Variants in ADGRB2 observed in about 807,000 individuals in gnomAD.
ADGRB2 encodes adhesion G protein-coupled receptor B2, also known as brain-specific angiogenesis inhibitor 2.
In ADGRB2, 47 loss-of-function variants were observed where a neutral mutation model predicts 178.7. That is an observed-to-expected ratio of 0.26 (90% confidence interval 0.21 to 0.34). The LOEUF is 0.34. Among genes scored for constraint, ADGRB2 ranks in the 10% least tolerant of loss-of-function variants. The pLI, the probability that ADGRB2 is intolerant of heterozygous loss-of-function variation, is 1.00. For missense variants in ADGRB2, 1,584 were observed against 2,180.8 expected (o/e 0.73, Z 5.45); for synonymous variants, 870 against 912.4 (o/e 0.95, Z 0.84).
chr1:31,740,252 T>C lies in ADGRB2; in HGVS notation c.1990-74A>G, dbSNP rs1471690987. 3 of 1,608,562 alleles carry C rather than the reference T, an allele frequency of 1.9e-6. No individual in the cohort carries two copies. The highest frequency in any genetic ancestry group is 4.5e-5 in the East Asian group (2 of 44,780). On this transcript the variant is annotated intron_variant, in intron 12 of 32. Coordinates refer to ENST00000373658, the MANE Select transcript of ADGRB2 (RefSeq NM_001364857.2). The surrounding 1 kb of genome is among the most constrained non-coding windows in gnomAD (Gnocchi z 5.9). ...GGGGCTTCCCCCACTATAGCCACAC[T>C]TGCCGCCTCTACAGCAGACTCTGCC...
rs1646878606 is a variant in ADGRB2, at chr1:31,757,111, A to C, written c.21+90T>G. On this transcript the variant is annotated intron_variant, in intron 3 of 32. Transcript: ENST00000373658. ...ATCTTGTGAGCCCTGAAGAAACAGT[A>C]GTTGTTGTTGCCATCGTTCTGTTTC... 23 of 1,594,874 alleles carry C rather than the reference A, an allele frequency of 1.4e-5. 1 individual carries two copies. The South Asian group carries it at 2.5e-4, about 18-fold the overall frequency.
chr1:31,750,160 A>G (rs1183561515), intron 4 of ADGRB2, among the ~76,000 whole-genome samples: 1 of 152,092 alleles, frequency 6.6e-6, no homozygotes, highest in African/African-American at 2.4e-5. Flanking sequence ...GCCTTCCTAG[A>G]CTGACAATAC....
At position 31,742,229 on chromosome 1, in the gene ADGRB2, G is replaced by A. The variant is rs754270808; in HGVS notation, c.1253-12C>T. On this transcript the variant is annotated splice_polypyrimidine_tract_variant and intron_variant, in intron 7 of 32. Coordinates refer to ENST00000373658, the MANE Select transcript of ADGRB2 (RefSeq NM_001364857.2). Reference sequence around the variant, plus strand: ...CCACTGGCCTTCCACTGCATGGGGAGACACAAGCAGGGGTGGCTGTTGAGC... The same window carrying A: ...CCACTGGCCTTCCACTGCATGGGGAAACACAAGCAGGGGTGGCTGTTGAGC... 6.3e-7 allele frequency: 1 copy of A among 1,585,194 alleles called. No individual in the cohort carries two copies. Among genetic ancestry groups the A allele is most frequent in the East Asian group, 2.2e-5 (1 of 44,490 alleles).
intron 1 of ADGRB2, among the ~76,000 whole-genome samples, chr1:31,762,169 A>G (rs1006780654): frequency 6.6e-6 from 1 of 152,084 alleles, no homozygotes; most frequent in African/African-American, 2.4e-5. Context: ...TGTCCTTTTG[A>G]AGAGTGATAC....
Position 31,738,862 on chromosome 1 carries a change from G to A in ADGRB2, c.2571C>T (p.Leu857=), listed in dbSNP as rs1452342141. ...TGATGTAGGAGAGCTCCACAGTGATGAGGGGCTCAGCTGGAGGCTGGGTAG... is the reference window on the plus strand; with the variant it reads ...TGATGTAGGAGAGCTCCACAGTGATAAGGGGCTCAGCTGGAGGCTGGGTAG... ...RPPTQPPAEP[L]ITVELSYIIN... is the part of the protein sequence containing the mutation. Residue 857 remains leucine (L), a synonymous_variant, in exon 16 of 33, where the codon CTC becomes CTT. Transcript: ENST00000373658. 5.6e-6 allele frequency: 9 copies of A among 1,613,922 alleles called. No homozygotes were observed. The highest frequency in any genetic ancestry group is 1.3e-5 in the African/African-American group (1 of 74,928).
intron 26 of ADGRB2, 103 bp from the exon 27 acceptor site, chr1:31,732,715 G>A: frequency 7.4e-7 from 1 of 1,356,450 alleles, no homozygotes; most frequent in South Asian, 1.2e-5. Context: ...GTAGAAGGAA[G>A]GCAACACATC....
Position 31,742,045 on chromosome 1 carries a change from G to A in ADGRB2, c.1417+8C>T, listed in dbSNP as rs1569909960. The A allele has an allele frequency of 6.2e-7, 1 of 1,601,940 alleles. No homozygotes were observed. Among genetic ancestry groups the A allele is most frequent in the Non-Finnish European group, 8.5e-7 (1 of 1,173,026 alleles). ...CTGCAACTTGCCACCACTGTGCCAA[G>A]CACTCACCCGGGCACTCGAGGTTGC... On this transcript the variant is annotated splice_region_variant and intron_variant, in intron 8 of 32. Coordinates refer to ENST00000373658, the MANE Select transcript of ADGRB2 (RefSeq NM_001364857.2).
intron 4 of ADGRB2, among the ~76,000 whole-genome samples, chr1:31,746,726 C>T (rs1201114630): frequency 6.6e-6 from 1 of 152,214 alleles, no homozygotes; most frequent in African/African-American, 2.4e-5. Flanking sequence ...ACCAACTTCC[C>T]TGCAGCCCTT....
rs1645608103 is a variant in ADGRB2, at chr1:31,736,392, TG to T, written c.3131-3del. Reference sequence around the variant, plus strand: ...CGGCCACCACCAGGGCAGGCAGACCTGGGGGAGCAGGGGTGCCAGAGTGAGA... The same window carrying T: ...CGGCCACCACCAGGGCAGGCAGACCTGGGGAGCAGGGGTGCCAGAGTGAGA... On this transcript the variant is annotated splice_region_variant and splice_polypyrimidine_tract_variant and intron_variant, in intron 21 of 32. Coordinates refer to ENST00000373658, the MANE Select transcript of ADGRB2 (RefSeq NM_001364857.2). 1.2e-6 allele frequency: 2 copies of T among 1,613,866 alleles called. No homozygotes were observed. The highest frequency in any genetic ancestry group is 2.7e-5 in the African/African-American group (2 of 74,978).
intron 1 of ADGRB2, chr1:31,760,537 G>A (rs192548867): frequency 7.1e-6 from 1 of 141,802 alleles, no homozygotes; most frequent in African/African-American, 2.6e-5. Context: ...GGTGTCTCAG[G>A]CCCAGGGCCG....
rs143508014 is a variant in ADGRB2, at chr1:31,753,498, G to A, written c.838+2501C>T. Among the ~76,000 whole-genome samples the A allele has an allele frequency of 3.3e-5, 5 of 152,282 alleles. No individual in the cohort carries two copies. The highest frequency in any genetic ancestry group is 5.9e-5 in the Non-Finnish European group (4 of 68,014). Reference sequence around the variant, plus strand: ...CTAGGCCTCACTGTGGATCTTCCTCGGGGGTGTCCCAGAGAAGATGAACAC... The same window carrying A: ...CTAGGCCTCACTGTGGATCTTCCTCAGGGGTGTCCCAGAGAAGATGAACAC... On this transcript the variant is annotated intron_variant, in intron 4 of 32. Coordinates refer to ENST00000373658, the MANE Select transcript of ADGRB2 (RefSeq NM_001364857.2). The surrounding 1 kb of genome is among the most constrained non-coding windows in gnomAD (Gnocchi z 4.1).
rs148277401 is a variant in ADGRB2 at position 31,756,426 on chromosome 1, C to A, written c.411G>T (p.Ala137=). 4.2e-5 allele frequency: 67 copies of A among 1,612,168 alleles called. 1 individual carries two copies. The Admixed American group carries it at 1.1e-3, about 26-fold the overall frequency. Residue 137 remains alanine, a synonymous_variant, in exon 4 of 33, where the codon GCG becomes GCT. Transcript: ENST00000373658. The surrounding 1 kb of genome is among the most constrained non-coding windows in gnomAD (Gnocchi z 8.5). ...RPEEEEAEAA[A]GLELCSGSGP... Reference sequence around the variant, plus strand: ...CTGAGCCGCTGCACAGCTCCAACCCCGCTGCCGCCTCTGCCTCCTCCTCTT... The same window carrying A: ...CTGAGCCGCTGCACAGCTCCAACCCAGCTGCCGCCTCTGCCTCCTCCTCTT...
rs555596707 is a variant in ADGRB2, at chr1:31,738,068, G to A, written c.2772+132C>T. On this transcript the variant is annotated intron_variant, in intron 18 of 32. Coordinates refer to ENST00000373658, the MANE Select transcript of ADGRB2 (RefSeq NM_001364857.2). ...CAATCCCAGGGGCACAGACATCCACGTACAATCCCACAAGCGCACCTGCAG... is the reference window on the plus strand; with the variant it reads ...CAATCCCAGGGGCACAGACATCCACATACAATCCCACAAGCGCACCTGCAG... 101 of 1,359,508 alleles carry A rather than the reference G, an allele frequency of 7.4e-5. 1 individual carries two copies. In the East Asian group the frequency reaches 2.0e-3, roughly 27 times the overall value. The allele number at this position is 1,359,508 out of a possible 1,614,324, so 84.2% of individuals were successfully genotyped here.
chr1:31,738,899 G>A lies in ADGRB2; in HGVS notation c.2534C>T (p.Thr845Ile). 1 of 1,613,732 alleles carries A rather than the reference G, an allele frequency of 6.2e-7. No individual in the cohort carries two copies. The highest frequency in any genetic ancestry group is 8.5e-7 in the Non-Finnish European group (1 of 1,179,948). The change falls in exon 16 of 33, where the codon ACT becomes ATT. Residue 845 changes from threonine to isoleucine, a missense_variant. By Grantham distance (89) the Thr-to-Ile change is moderately conservative. This residue lies in a region of ADGRB2 where 865 missense variants were observed against 1,192.8 expected (regional missense o/e 0.73). Transcript: ENST00000373658. ...TGGAGGCTGGGTAGGGGGGCGCACA[G>A]TCACTGTCATCACCCGGGATGTGAC... ...LAVTSRVMTVTVRPPTQPPAE... is the reference protein window; with the variant it reads ...LAVTSRVMTVIVRPPTQPPAE...
In ADGRB2 at chr1:31,755,990, G is replaced by A; in HGVS notation, c.838+9C>T. On this transcript the variant is annotated intron_variant, in intron 4 of 32. Coordinates refer to ENST00000373658, the MANE Select transcript of ADGRB2 (RefSeq NM_001364857.2). The surrounding 1 kb of genome is among the most constrained non-coding windows in gnomAD (Gnocchi z 5.1). ...GACCCCGCCCCACCCAGGCCCTGCT[G>A]AGACTCACCATATCTCATCTCGGTT... The A allele has an allele frequency of 6.3e-7, 1 of 1,595,230 alleles. No homozygotes were observed. The highest frequency in any genetic ancestry group is 8.6e-7 in the Non-Finnish European group (1 of 1,166,494).
chr1:31,746,388 C>T (rs1646273026), intron 4 of ADGRB2, among the ~76,000 whole-genome samples: 2 of 152,248 alleles, frequency 1.3e-5, no homozygotes, highest in East Asian at 1.9e-4. Context: ...CTTGGGACCA[C>T]AGAGGAGGTG....
In ADGRB2 at chr1:31,740,644, A is replaced by G; in HGVS notation, c.1795-103T>C. The G allele has an allele frequency of 1.6e-6, 2 of 1,283,962 alleles. No homozygotes were observed. Among genetic ancestry groups the G allele is most frequent in the Non-Finnish European group, 2.1e-6 (2 of 951,194 alleles). 79.5% of individuals were successfully genotyped at this position (1,283,962 alleles called of 1,614,324 possible). A position where few individuals can be genotyped will look rare whatever the true frequency, so the allele number is the denominator to read the frequency against. ...ACCCACTGCTTGCATCCACGGGGAG[A>G]GAAAGGGGGAAAAGGTCAGAGAGGC... On this transcript the variant is annotated intron_variant, in intron 11 of 32. Coordinates refer to ENST00000373658, the MANE Select transcript of ADGRB2 (RefSeq NM_001364857.2). This position sits in a 1 kb window ranked among gnomAD's most constrained non-coding sequence, Gnocchi z 5.9.
rs1278519322 is a variant in ADGRB2, at chr1:31,757,218, C to G, written c.4G>C (p.Glu2Gln). 1.4e-5 allele frequency: 23 copies of G among 1,614,174 alleles called. 1 individual carries two copies. The highest frequency in any genetic ancestry group is 1.8e-5 in the Non-Finnish European group (21 of 1,180,002). Residue 2 changes from glutamate to glutamine, a missense_variant, in exon 3 of 33, where the codon GAG becomes CAG. Physicochemically the swap from Glu to Gln is conservative, Grantham distance 29. Coordinates refer to ENST00000373658, the MANE Select transcript of ADGRB2 (RefSeq NM_001364857.2). M[E>Q]NTGWMGKGHR... The stretch of plus-strand genomic sequence containing the variant: ...AGCCTCACCATCCAACCTGTATTCT[C>G]CATAACTCTTGCTCTCCATCCCCGT...
At position 31,753,944 on chromosome 1, in the gene ADGRB2, C is replaced by G. The variant is rs1373632256; in HGVS notation, c.838+2055G>C. Among the ~76,000 whole-genome samples the G allele has an allele frequency of 6.6e-6, 1 of 152,220 alleles. No homozygotes were observed. The highest frequency in any genetic ancestry group is 1.5e-5 in the Non-Finnish European group (1 of 68,036). ...CAGCTGATGCCACATCATCCCATGCCAACTCCCTACAGGGGCCCTCCCTAA... is the reference window on the plus strand; with the variant it reads ...CAGCTGATGCCACATCATCCCATGCGAACTCCCTACAGGGGCCCTCCCTAA... On this transcript the variant is annotated intron_variant, in intron 4 of 32. Coordinates refer to ENST00000373658, the MANE Select transcript of ADGRB2 (RefSeq NM_001364857.2). The surrounding 1 kb of genome is among the most constrained non-coding windows in gnomAD (Gnocchi z 4.1).
Sources: allele counts gnomAD v4.1 joint callset (sites outside exome capture counted in the v4.1 genomes callset), GRCh38; gene constraint gnomAD v4.1.1; regional missense constraint gnomAD v4.1.1; non-coding constraint Gnocchi (gnomAD v3.1); transcripts MANE v1.5; gene names NCBI Gene and HGNC (gene_info 2026-07-23, HGNC 2026-07-21).